Variants in DPYD observed in about 807,000 individuals in gnomAD.
The protein encoded by DPYD is dihydropyrimidine dehydrogenase [NADP(+)].
Under a neutral mutation model 116.2 loss-of-function variants are expected in DPYD, and 109 were observed. The ratio of observed to expected loss-of-function variants is 0.94; its 90% CI spans 0.80 to 1.10. The LOEUF is 1.10. Ranked by LOEUF, DPYD falls within the 50% of genes least tolerant of loss-of-function variation. DPYD has a pLI of 0.00. For synonymous variants in DPYD, 440 were observed against 432.0 expected (o/e 1.02, Z -0.23); for missense variants, 1,302 against 1,254.5 (o/e 1.04, Z -0.57).
At chr1:97,192,774 C>T (rs550812312) in intron 20 of DPYD, among the ~76,000 whole-genome samples, 1 of 152,340 alleles carries the variant, frequency 6.6e-6, no homozygotes, top group South Asian at 2.1e-4. Flanking sequence ...CAGACTCCCA[C>T]TGGGAAGAAT....
intron 10 of DPYD, among the ~76,000 whole-genome samples, chr1:97,581,745 CAAAA>C (rs1226325704): frequency 1.6e-5 from 1 of 63,568 alleles, no homozygotes; most frequent in South Asian, 5.8e-4. Flanking sequence ...GATCCTGTCT[CAAAA>C]AAAAAAAAAA....
intron 14 of DPYD, among the ~76,000 whole-genome samples, chr1:97,413,360 T>A (rs1415576516): frequency 1.3e-5 from 2 of 152,234 alleles, no homozygotes; most frequent in Non-Finnish European, 2.9e-5. Context: ...TAGCATTAAA[T>A]GTTTCCATCA....
chr1:97,664,426 A>G (rs1659441563), intron 8 of DPYD, among the ~76,000 whole-genome samples: 2 of 151,922 alleles, frequency 1.3e-5, no homozygotes, highest in Middle Eastern at 3.2e-3. Flanking sequence ...TGAGTTTAGT[A>G]CTTTAAACTA....
Position 97,697,133 on chromosome 1 carries a change from AACAGAAGCCACT to A in DPYD, c.680+2206_680+2217del, listed in dbSNP as rs1661353477. On this transcript the variant is annotated intron_variant, in intron 6 of 22. Coordinates refer to ENST00000370192, the MANE Select transcript of DPYD (RefSeq NM_000110.4). ...AACCCTGTTAAACTCGTGTCCTAAAAACAGAAGCCACTGTTAGAGGAAAGCAAAACTACTGAT... is the reference window on the plus strand; with the variant it reads ...AACCCTGTTAAACTCGTGTCCTAAAAGTTAGAGGAAAGCAAAACTACTGAT... Among the ~76,000 whole-genome samples, 4 of 152,154 alleles carry A rather than the reference AACAGAAGCCACT, an allele frequency of 2.6e-5. No individual in the cohort carries two copies. In the South Asian group the frequency reaches 8.3e-4, roughly 31 times the overall value.
intron 20 of DPYD, among the ~76,000 whole-genome samples, chr1:97,150,229 C>G (rs543059569): frequency 1.3e-5 from 2 of 151,844 alleles, no homozygotes; most frequent in Admixed American, 6.6e-5. Context: ...TCTAAGCATG[C>G]CTTTTCCTCC....
chr1:97,825,594 G>A (rs546023388), intron 3 of DPYD, among the ~76,000 whole-genome samples: 41 of 137,714 alleles, frequency 3.0e-4, no homozygotes, highest in Non-Finnish European at 5.8e-4. Flanking sequence ...ACACAGGAAG[G>A]GGAACATCAC....
At chr1:97,838,847 G>A (rs1669906277) in intron 2 of DPYD, among the ~76,000 whole-genome samples, 2 of 145,652 alleles carry the variant, frequency 1.4e-5, no homozygotes, top group African/African-American at 5.0e-5. Flanking sequence ...GCGAGACTCC[G>A]TCTCAAAAAA....
intron 5 of DPYD, among the ~76,000 whole-genome samples, chr1:97,710,501 C>T (rs552658196): frequency 6.6e-6 from 1 of 151,702 alleles, no homozygotes; most frequent in African/African-American, 2.4e-5. Context: ...ATAAAAACTT[C>T]ATGTAATGTC....
chr1:97,165,420 A>G (rs1435845095), intron 20 of DPYD, among the ~76,000 whole-genome samples: 2 of 152,124 alleles, frequency 1.3e-5, no homozygotes, highest in African/African-American at 4.8e-5. Flanking sequence ...ATATACAAAA[A>G]TCAACTTAAG....
chr1:97,146,472 C>T (rs575357390), intron 20 of DPYD, among the ~76,000 whole-genome samples: 3 of 152,290 alleles, frequency 2.0e-5, no homozygotes, highest in African/African-American at 7.2e-5. Context: ...AAAGGCCATA[C>T]AATACATCCT....
intron 8 of DPYD, among the ~76,000 whole-genome samples, chr1:97,645,019 A>G (rs1658174192): frequency 6.6e-6 from 1 of 152,112 alleles, no homozygotes; most frequent in Non-Finnish European, 1.5e-5. Flanking sequence ...TCCATCTTAG[A>G]GATATTTCCC....
intron 10 of DPYD, among the ~76,000 whole-genome samples, chr1:97,583,214 C>A (rs1182871191): frequency 6.6e-6 from 1 of 152,156 alleles, no homozygotes; most frequent in East Asian, 1.9e-4. Flanking sequence ...CGTGATCCAC[C>A]CGCCCCGGCT....
chr1:97,753,235 A>G (rs1325418201), intron 3 of DPYD, among the ~76,000 whole-genome samples: 1 of 152,220 alleles, frequency 6.6e-6, no homozygotes, highest in Non-Finnish European at 1.5e-5. Flanking sequence ...AGAAAAAGAT[A>G]TTAAGGCACA....
intron 14 of DPYD, among the ~76,000 whole-genome samples, chr1:97,408,102 T>C (rs1366672799): frequency 6.6e-6 from 1 of 152,086 alleles, no homozygotes; most frequent in African/African-American, 2.4e-5. Flanking sequence ...TTAACGTCAA[T>C]GGGAAACTAC....
At chr1:97,173,285 T>TATGTACATATATATGTACACAC in intron 20 of DPYD, among the ~76,000 whole-genome samples, 1 of 107,794 alleles carries the variant, frequency 9.3e-6, no homozygotes, top group South Asian at 2.7e-4. Context: ...TATGCACACA[T>TATGTACATATATATGTACACAC]ATATGTACAC....
chr1:97,487,977 T>G (rs556201298), intron 13 of DPYD, among the ~76,000 whole-genome samples: 1 of 152,304 alleles, frequency 6.6e-6, no homozygotes, highest in African/African-American at 2.4e-5. Context: ...TACACAAATT[T>G]TCATAGCAAC....
chr1:97,809,394 C>T (rs1443852304), intron 3 of DPYD, among the ~76,000 whole-genome samples: 1 of 152,190 alleles, frequency 6.6e-6, no homozygotes, highest in East Asian at 1.9e-4. Flanking sequence ...ACCACCCTCA[C>T]CACACCTCCA....
intron 4 of DPYD, among the ~76,000 whole-genome samples, chr1:97,731,485 C>G (rs78686397): frequency 0.012 from 1,851 of 152,114 alleles, 35 homozygotes; most frequent in African/African-American, 0.042. Flanking sequence ...ACATTCAAGA[C>G]GTTAATAGCA....
At chr1:97,725,250 TAAA>T (rs1342877926) in intron 4 of DPYD, among the ~76,000 whole-genome samples, 3 of 151,600 alleles carry the variant, frequency 2.0e-5, no homozygotes, top group Middle Eastern at 6.3e-3. Flanking sequence ...TTAAAAACTG[TAAA>T]AAGTTCAAAT....
Sources: allele counts gnomAD v4.1 joint callset (sites outside exome capture counted in the v4.1 genomes callset), GRCh38; gene constraint gnomAD v4.1.1; transcripts MANE v1.5; gene names NCBI Gene and HGNC (gene_info 2026-07-23, HGNC 2026-07-21).